Variants in WAS observed in about 807,000 individuals in gnomAD.
WAS encodes the protein actin nucleation-promoting factor WAS.
WAS carries 1 observed loss-of-function variant against 38.9 expected under a neutral mutation model. The ratio of observed to expected loss-of-function variants is 0.03; its 90% CI spans 0.01 to 0.12. WAS has a LOEUF of 0.12. Among genes scored for constraint, WAS ranks in the 10% least tolerant of loss-of-function variants. WAS has a pLI of 1.00. For missense variants in WAS, 311 were observed against 431.2 expected, an observed-to-expected ratio of 0.72 and a Z score of 2.47; for synonymous variants, 182 against 173.6, an observed-to-expected ratio of 1.05 and a Z score of -0.38.
upstream of WAS, among the ~76,000 whole-genome samples, chrX:48,682,968 T>C (rs1368287643): frequency 9.2e-6 from 1 of 108,870 alleles, no homozygotes; most frequent in African/African-American, 3.4e-5. Flanking sequence ...GGGTAAGGGA[T>C]GGGGAAGTGG....
Position 48,688,479 on chromosome X carries a change from C to G in WAS, c.931+26C>G, listed in dbSNP as rs782270626. The stretch of plus-strand genomic sequence containing the variant: ...GTGAGACCCTGCTTCCATACGCTCC[C>G]TTCTCTAGCCCAAGCAGCTCATAGC... On this transcript the variant is annotated intron_variant, in intron 9 of 11. Transcript: ENST00000376701. 6 of 1,209,977 alleles carry G rather than the reference C, an allele frequency of 5.0e-6. No individual in the cohort carries two copies. In the Admixed American group the frequency reaches 1.1e-4, roughly 22 times the overall value.
chrX:48,688,814 A>G lies in WAS; in HGVS notation c.1086A>G (p.Pro362=), dbSNP rs1304836055. ...CAACACCCCGGGGACCCCCACCCCC[A>G]GGCCGAGGGGGCCCTCCACCACCAC... ...PPPTPRGPPP[P]GRGGPPPPPP... is the part of the protein sequence containing the mutation. Residue 362 remains proline, a synonymous_variant, in exon 10 of 12, where the codon CCA becomes CCG. Transcript: ENST00000376701. 1.6e-5 allele frequency: 12 copies of G among 733,972 alleles called. No homozygotes were observed. Among genetic ancestry groups the G allele is most frequent in the Non-Finnish European group, 1.9e-5 (11 of 574,229 alleles). 60.5% of individuals were successfully genotyped at this position (733,972 alleles called of 1,213,427 possible).
At chrX:48,684,211 GA>G (rs782543830) in intron 1 of WAS, 71 bp from the exon 2 acceptor site, 53 of 1,195,156 alleles carry the variant, frequency 4.4e-5, no homozygotes, top group Non-Finnish European at 5.9e-5. Flanking sequence ...AGGCAGGAAG[GA>G]CCAGGTCTGG....
Position 48,686,074 on chromosome X carries a change from T to C in WAS, c.506-7T>C. The C allele has an allele frequency of 1.7e-6, 2 of 1,211,889 alleles. No homozygotes were observed. On this transcript the variant is annotated splice_region_variant and splice_polypyrimidine_tract_variant and intron_variant, in intron 5 of 11. Coordinates refer to ENST00000376701, the MANE Select transcript of WAS (RefSeq NM_000377.3). ...GTGATAACTCTCTACACATTCCATCTTCCCAGAGAGAAGAGGAGGGCTCCC... is the reference window on the plus strand; with the variant it reads ...GTGATAACTCTCTACACATTCCATCCTCCCAGAGAGAAGAGGAGGGCTCCC...
intron 1 of WAS, among the ~76,000 whole-genome samples, chrX:48,677,795 G>C (rs999496537): frequency 8.9e-6 from 1 of 112,454 alleles, no homozygotes; most frequent in Non-Finnish European, 1.9e-5. Context: ...TGCGCACCCT[G>C]AGTCGTTTTT....
upstream of WAS, among the ~76,000 whole-genome samples, chrX:48,679,204 T>C (rs2062396359): frequency 9.1e-6 from 1 of 109,616 alleles, no homozygotes; most frequent in African/African-American, 3.3e-5. Flanking sequence ...AAAAACTTTT[T>C]GTAGAGATGG....
At chrX:48,690,156 G>A (rs2062435340) in intron 11 of WAS, among the ~76,000 whole-genome samples, 2 of 111,153 alleles carry the variant, frequency 1.8e-5, no homozygotes, top group South Asian at 7.5e-4. Context: ...ACAGGGTCTC[G>A]CTCTGTGTCC....
At chrX:48,684,627 C>T (rs1272617276) in intron 2 of WAS, among the ~76,000 whole-genome samples, 5 of 111,939 alleles carry the variant, frequency 4.5e-5, no homozygotes, top group Non-Finnish European at 9.4e-5. Flanking sequence ...GTATCAAGAT[C>T]TCTAAAGCCC....
In WAS at chrX:48,684,427, A is replaced by ACCC. The variant is rs58371799; in HGVS notation, c.273+9_273+11dup. 6 of 1,194,931 alleles carry ACCC rather than the reference A, an allele frequency of 5.0e-6. No individual in the cohort carries two copies. In the East Asian group the frequency reaches 1.8e-4, roughly 37 times the overall value. ...CATCCGCCTTTACGGCCTTCAGGTG[A>ACCC]CCCCCCCACCCCCGACTGGACTTGC... On this transcript the variant is annotated splice_donor_region_variant and intron_variant, in intron 2 of 11. Coordinates refer to ENST00000376701, the MANE Select transcript of WAS (RefSeq NM_000377.3).
At chrX:48,689,922 C>CA (rs1302993093) in intron 11 of WAS, among the ~76,000 whole-genome samples, 1 of 107,194 alleles carries the variant, frequency 9.3e-6, no homozygotes, top group Non-Finnish European at 1.9e-5. Flanking sequence ...GATTGCTTGA[C>CA]CCTGGGAGGT....
chrX:48,681,125 C>G (rs1470970270), upstream of WAS, among the ~76,000 whole-genome samples: 2 of 112,003 alleles, frequency 1.8e-5, no homozygotes, highest in African/African-American at 3.2e-5. Context: ...CTCCTCTGGG[C>G]CTCAGCTTCC....
upstream of WAS, among the ~76,000 whole-genome samples, chrX:48,683,000 G>A (rs1170976601): frequency 3.6e-5 from 4 of 111,496 alleles, no homozygotes. Flanking sequence ...ATGCGTCATT[G>A]GCAGTGTCTA....
chrX:48,682,411 C>T (rs782087798), upstream of WAS, among the ~76,000 whole-genome samples: 9 of 112,205 alleles, frequency 8.0e-5, no homozygotes, highest in South Asian at 3.7e-4. Flanking sequence ...GCTCGCACTC[C>T]GGGCAAAGGG....
upstream of WAS, among the ~76,000 whole-genome samples, chrX:48,679,330 G>A (rs1198770023): frequency 9.0e-6 from 1 of 111,528 alleles, no homozygotes; most frequent in East Asian, 2.8e-4. Flanking sequence ...GCCTGCTTCA[G>A]GTTTTTTTGT....
chrX:48,680,774 G>GT (rs2062399094), upstream of WAS, among the ~76,000 whole-genome samples: 1 of 111,823 alleles, frequency 8.9e-6, no homozygotes, highest in Non-Finnish European at 1.9e-5. Flanking sequence ...AGAAATAACT[G>GT]TAAGTATCCT....
At chrX:48,683,683 C>G (rs2062409347), upstream of WAS, 4 of 698,151 alleles carry the variant, frequency 5.7e-6, no homozygotes, top group Admixed American at 1.2e-4. Flanking sequence ...GCGGAGGGCC[C>G]AAGCTCAGCC....
chrX:48,690,051 T>A (rs2062434830), intron 11 of WAS, among the ~76,000 whole-genome samples: 1 of 111,531 alleles, frequency 9.0e-6, no homozygotes, highest in Non-Finnish European at 1.9e-5. Context: ...AGAACACTAT[T>A]GTTGACAATA....
At chrX:48,688,511 A>G in intron 9 of WAS, 58 bp downstream of exon 9, 1 of 1,203,734 alleles carries the variant, frequency 8.3e-7, no homozygotes, top group Non-Finnish European at 1.1e-6. Context: ...TAGCTAAGAT[A>G]CGCACTAAGT....
rs782158640 is a variant in WAS, at chrX:48,689,074, C to T, written c.1338+8C>T. 8.4e-7 allele frequency: 1 copy of T among 1,196,293 alleles called. No individual in the cohort carries two copies. The highest frequency in any genetic ancestry group is 1.1e-6 in the Non-Finnish European group (1 of 889,738). ...GGAATTCAGCTGAACAAGGTGAGGA[C>T]AGGCAGGATGGAGGATTGGGGGTCT... On this transcript the variant is annotated splice_region_variant and intron_variant, in intron 10 of 11. Coordinates refer to ENST00000376701, the MANE Select transcript of WAS (RefSeq NM_000377.3).
Sources: allele counts gnomAD v4.1 joint callset (sites outside exome capture counted in the v4.1 genomes callset), GRCh38; gene constraint gnomAD v4.1.1; transcripts MANE v1.5; gene names NCBI Gene and HGNC (gene_info 2026-07-23, HGNC 2026-07-21).